The following RGSL1 variants were observed in gnomAD, a reference collection of about 807,000 sequenced individuals.
The protein encoded by RGSL1 is regulator of G protein signaling like 1.
In RGSL1, 97 loss-of-function variants were observed where a neutral mutation model predicts 124.7. That is an observed-to-expected ratio of 0.78 (90% confidence interval 0.66 to 0.92). The LOEUF (loss-of-function observed/expected upper bound fraction) is 0.92, where lower values mean the gene tolerates loss of function less well. RGSL1 is among the 40% of genes least tolerant of loss of function. RGSL1 has a pLI of 0.00. For missense variants in RGSL1, 1,233 were observed against 1,288.4 expected (o/e 0.96, Z 0.66); for synonymous variants, 424 against 438.1 (o/e 0.97, Z 0.40).
At chr1:182,466,244 T>C (rs947691660) in intron 4 of RGSL1, among the ~76,000 whole-genome samples, 1 of 152,136 alleles carries the variant, frequency 6.6e-6, no homozygotes, top group Non-Finnish European at 1.5e-5. Flanking sequence ...GCTTTTCCTC[T>C]AAGATCAGGA....
At chr1:182,521,451 A>G (rs564157251) in intron 9 of RGSL1, among the ~76,000 whole-genome samples, 21 of 152,364 alleles carry the variant, frequency 1.4e-4, no homozygotes, top group Admixed American at 3.9e-4. Flanking sequence ...CTGAACTTGC[A>G]TGGTGTGCTA....
chr1:182,524,280 C>G (rs949684908), intron 10 of RGSL1, among the ~76,000 whole-genome samples: 1 of 42,740 alleles, frequency 2.3e-5, no homozygotes, highest in Non-Finnish European at 5.8e-5. Flanking sequence ...ATTAGTCTGA[C>G]AGAAATGAGA....
intron 9 of RGSL1, among the ~76,000 whole-genome samples, chr1:182,500,865 A>T (rs1656299938): frequency 6.6e-6 from 1 of 152,194 alleles, no homozygotes; most frequent in Admixed American, 6.5e-5. Context: ...GAATTTGTTT[A>T]CTAGGTTTAA....
intron 6 of RGSL1, among the ~76,000 whole-genome samples, chr1:182,480,551 C>T (rs1391802312): frequency 6.6e-6 from 1 of 151,620 alleles, no homozygotes; most frequent in Non-Finnish European, 1.5e-5. Flanking sequence ...TGTCTCCTGA[C>T]TTCAAGCAAT....
At chr1:182,506,217 A>C (rs1656794687) in intron 9 of RGSL1, among the ~76,000 whole-genome samples, 1 of 152,126 alleles carries the variant, frequency 6.6e-6, no homozygotes, top group Non-Finnish European at 1.5e-5. Flanking sequence ...TGTTTGTGAT[A>C]CTCTCATTAT....
Position 182,493,181 on chromosome 1 carries a change from AAG to A in RGSL1, c.1825+56_1825+57del, listed in dbSNP as rs1414124137. 7.3e-6 allele frequency: 9 copies of A among 1,230,774 alleles called. No homozygotes were observed. In the African/African-American group the frequency reaches 1.4e-4, roughly 19 times the overall value. The allele number at this position is 1,230,774 out of a possible 1,614,324, so 76.2% of individuals were successfully genotyped here. A position where few individuals can be genotyped will look rare whatever the true frequency, so the allele number is the denominator to read the frequency against. Reference sequence around the variant, plus strand: ...GAGGCAACTAGGTTTTTTCAAATCTAAGAGAAAATCTGTAATCTTGTGTTCTT... The same window carrying A: ...GAGGCAACTAGGTTTTTTCAAATCTAAGAAAATCTGTAATCTTGTGTTCTT... On this transcript the variant is annotated intron_variant, in intron 9 of 21. Coordinates refer to ENST00000294854, the MANE Select transcript of RGSL1 (RefSeq NM_001137669.2).
At chr1:182,532,580 T>C (rs1341217178) in intron 13 of RGSL1, 82 bp from the exon 14 acceptor site, 3 of 1,364,166 alleles carry the variant, frequency 2.2e-6, no homozygotes, top group African/African-American at 1.5e-5. Flanking sequence ...ATGTAGTGAA[T>C]ACCAAGTTTT....
chr1:182,508,873 G>T, intron 9 of RGSL1, among the ~76,000 whole-genome samples: 1 of 96,904 alleles, frequency 1.0e-5, no homozygotes, highest in South Asian at 4.1e-4. Context: ...TTGAGATTAG[G>T]GATTGGTGAT....
chr1:182,493,030 A>G lies in RGSL1; in HGVS notation c.1726A>G (p.Lys576Glu). 1.3e-6 allele frequency: 2 copies of G among 1,549,134 alleles called. No homozygotes were observed. Among genetic ancestry groups the G allele is most frequent in the Non-Finnish European group, 1.7e-6 (2 of 1,144,494 alleles). The change falls in exon 9 of 22, where the codon AAA becomes GAA. Residue 576 changes from lysine to glutamate, a missense_variant. By Grantham distance (56) the Lys-to-Glu change is moderately conservative. Transcript: ENST00000294854. ...TTTTCCTTACTTCACAGACATAACT[A>G]AAATGTCCTTTGAGGAGCTTTGCTA... Reference protein sequence around the residue: ...TSPVFLTDITKMSFEELCYKN... With the variant: ...TSPVFLTDITEMSFEELCYKN...
At chr1:182,557,746 G>T in intron 21 of RGSL1, among the ~76,000 whole-genome samples, 1 of 152,064 alleles carries the variant, frequency 6.6e-6, no homozygotes, top group African/African-American at 2.4e-5. Flanking sequence ...TACTTATTAG[G>T]TCTTCCCTGA....
chr1:182,519,650 A>C lies in RGSL1; in HGVS notation c.1826-2354A>C, dbSNP rs566762898. Among the ~76,000 whole-genome samples, 35 of 152,128 alleles carry C rather than the reference A, an allele frequency of 2.3e-4. No individual in the cohort carries two copies. The South Asian group carries it at 6.6e-3, about 29-fold the overall frequency. The stretch of plus-strand genomic sequence containing the variant: ...GGGAATTTTCAGTTATTATCTCCTT[A>C]AGTATTTTTCCTGCTCCATTCTATC... On this transcript the variant is annotated intron_variant, in intron 9 of 21. Transcript: ENST00000294854.
intron 4 of RGSL1, among the ~76,000 whole-genome samples, chr1:182,469,007 T>C (rs1367686839): frequency 6.6e-6 from 1 of 152,042 alleles, no homozygotes. Flanking sequence ...TAACACCCTA[T>C]ATGAAAATTA....
chr1:182,540,999 T>C (rs145790752), intron 15 of RGSL1, among the ~76,000 whole-genome samples: 1,870 of 152,300 alleles, frequency 0.012, 36 homozygotes, highest in African/African-American at 0.042. Context: ...ATTTTGGAGA[T>C]GTATGTGATA....
At chr1:182,472,063 G>T (rs760422916) in intron 4 of RGSL1, among the ~76,000 whole-genome samples, 3 of 152,056 alleles carry the variant, frequency 2.0e-5, no homozygotes, top group East Asian at 1.9e-4. Context: ...AGGAAATGTG[G>T]TTTTTTTCCC....
At chr1:182,557,310 C>T (rs781603716) in intron 21 of RGSL1, among the ~76,000 whole-genome samples, 1 of 152,214 alleles carries the variant, frequency 6.6e-6, no homozygotes, top group Admixed American at 6.5e-5. Flanking sequence ...AACAGAATCC[C>T]AGTTCCTAAA....
At chr1:182,550,905 C>T in intron 17 of RGSL1, 195 bp from the exon 18 acceptor site, 1 of 573,358 alleles carries the variant, frequency 1.7e-6, no homozygotes, top group Non-Finnish European at 3.1e-6. Context: ...GCGCTGGAGC[C>T]AGGTCTGGAC....
intron 9 of RGSL1, among the ~76,000 whole-genome samples, chr1:182,501,462 G>T (rs1163466758): frequency 2.6e-5 from 4 of 151,156 alleles, no homozygotes; most frequent in Non-Finnish European, 5.9e-5. Context: ...GGGATTACAG[G>T]TGTGTACCAT....
intron 21 of RGSL1, among the ~76,000 whole-genome samples, chr1:182,558,951 G>C (rs1276678854): frequency 6.6e-6 from 1 of 152,164 alleles, no homozygotes; most frequent in Admixed American, 6.5e-5. Flanking sequence ...AAATTCTACC[G>C]ACCATGGTCC....
At chr1:182,543,065 T>G (rs55897462) in intron 15 of RGSL1, among the ~76,000 whole-genome samples, 4,158 of 152,306 alleles carry the variant, frequency 0.027, 105 homozygotes, top group Non-Finnish European at 0.042. Flanking sequence ...CTAATTGTTC[T>G]GGCTAGAACT....
Sources: allele counts gnomAD v4.1 joint callset (sites outside exome capture counted in the v4.1 genomes callset), GRCh38; gene constraint gnomAD v4.1.1; transcripts MANE v1.5; gene names NCBI Gene and HGNC (gene_info 2026-07-23, HGNC 2026-07-21).